The following TUT4 variants were observed in gnomAD, a reference collection of about 807,000 sequenced individuals.
TUT4 encodes terminal uridylyltransferase 4.
TUT4 carries 36 observed loss-of-function variants against 192.2 expected under a neutral mutation model. The observed-to-expected ratio is 0.19, with a 90% CI of 0.14 to 0.25. TUT4 has a LOEUF of 0.25. Among genes scored for constraint, TUT4 ranks in the 10% least tolerant of loss-of-function variants. TUT4 has a pLI of 1.00. For missense variants in TUT4, 1,493 were observed against 1,957.2 expected (o/e 0.76, Z 4.47); for synonymous variants, 618 against 666.0 (o/e 0.93, Z 1.11).
chr1:52,550,090 T>G (rs900763053), intron 1 of TUT4, among the ~76,000 whole-genome samples: 2 of 152,108 alleles, frequency 1.3e-5, no homozygotes, highest in African/African-American at 4.8e-5. Flanking sequence ...TATTTGAATA[T>G]AGTCTGTACA....
chr1:52,507,316 T>G (rs576144603), intron 4 of TUT4, among the ~76,000 whole-genome samples: 1 of 152,338 alleles, frequency 6.6e-6, no homozygotes. Flanking sequence ...TAGTGCACTC[T>G]AAGGTCTCTC....
intron 8 of TUT4, 113 bp from the exon 9 acceptor site, chr1:52,489,148 A>G: frequency 1.9e-6 from 2 of 1,048,788 alleles, no homozygotes; most frequent in Non-Finnish European, 1.3e-6. Context: ...AGTACCGTAA[A>G]AGCCCTAATA....
At chr1:52,504,054 G>A (rs949449270) in intron 4 of TUT4, among the ~76,000 whole-genome samples, 1 of 152,162 alleles carries the variant, frequency 6.6e-6, no homozygotes, top group African/African-American at 2.4e-5. Flanking sequence ...CTCAAACTCA[G>A]AATGTTATGA....
At chr1:52,520,027 A>G (rs147221932) in intron 2 of TUT4, among the ~76,000 whole-genome samples, 54 of 152,260 alleles carry the variant, frequency 3.5e-4, no homozygotes, top group Middle Eastern at 6.8e-3. Context: ...TCAAAAAAAG[A>G]AGGCAAAGGA....
At chr1:52,477,207 C>A (rs1304205324) in intron 12 of TUT4, among the ~76,000 whole-genome samples, 1 of 152,036 alleles carries the variant, frequency 6.6e-6, no homozygotes, top group African/African-American at 2.4e-5. Flanking sequence ...CTGACCTTAA[C>A]CATATATGGC....
intron 1 of TUT4, among the ~76,000 whole-genome samples, chr1:52,544,014 C>T (rs1014029683): frequency 6.6e-6 from 1 of 152,004 alleles, no homozygotes; most frequent in African/African-American, 2.4e-5. Flanking sequence ...TCAGGCTGGG[C>T]ACAGTGGCTC....
Position 52,528,014 on chromosome 1 carries a change from TA to T in TUT4, c.-93-1642del. On this transcript the variant is annotated intron_variant, in intron 1 of 29. Coordinates refer to ENST00000257177, the MANE Select transcript of TUT4 (RefSeq NM_001009881.3). ...CAACATGGTGAAACCCCGTCTCTAC[TA>T]AAAATACAAAAATTAGCCGGGTACA... Among the ~76,000 whole-genome samples the T allele has an allele frequency of 1.4e-5, 2 of 143,954 alleles. 1 individual carries two copies. The highest frequency in any genetic ancestry group is 8.5e-3 in the Middle Eastern group (2 of 234). 94.4% of individuals were successfully genotyped at this position (143,954 alleles called of 152,430 possible). A position where few individuals can be genotyped will look rare whatever the true frequency, so the allele number is the denominator to read the frequency against.
At chr1:52,530,146 T>C (rs1472388014) in intron 1 of TUT4, among the ~76,000 whole-genome samples, 1 of 151,796 alleles carries the variant, frequency 6.6e-6, no homozygotes, top group African/African-American at 2.4e-5. Context: ...TCAGCTACTT[T>C]GAGTAATTTT....
At chr1:52,475,663 A>G (rs1395479980) in intron 12 of TUT4, 128 bp from the exon 13 acceptor site, 3 of 823,206 alleles carry the variant, frequency 3.6e-6, no homozygotes, top group Non-Finnish European at 5.4e-6. Flanking sequence ...TTTCTAAGCT[A>G]GACTCCCAGT....
intron 16 of TUT4, chr1:52,463,278 T>C (rs893167701): frequency 1.0e-6 from 1 of 989,236 alleles, no homozygotes; most frequent in African/African-American, 1.7e-5. Context: ...TTCCCTCAAT[T>C]CTTACTCTTC....
At chr1:52,446,957 A>C (rs892571057) in intron 20 of TUT4, among the ~76,000 whole-genome samples, 1 of 152,232 alleles carries the variant, frequency 6.6e-6, no homozygotes, top group Non-Finnish European at 1.5e-5. Flanking sequence ...ATAATGAAGC[A>C]AAACTTAAAA....
chr1:52,471,736 C>T (rs1262774359), intron 14 of TUT4, among the ~76,000 whole-genome samples: 1 of 152,148 alleles, frequency 6.6e-6, no homozygotes, highest in African/African-American at 2.4e-5. Flanking sequence ...ATATTTTAAG[C>T]TCCTTAAAAG....
intron 4 of TUT4, among the ~76,000 whole-genome samples, chr1:52,508,710 G>A (rs1676303927): frequency 6.6e-6 from 1 of 152,166 alleles, no homozygotes; most frequent in South Asian, 2.1e-4. Flanking sequence ...GGGTCAGGTA[G>A]AATATTTCTT....
At chr1:52,544,639 T>G (rs1418746274) in intron 1 of TUT4, among the ~76,000 whole-genome samples, 1 of 152,146 alleles carries the variant, frequency 6.6e-6, no homozygotes, top group African/African-American at 2.4e-5. Flanking sequence ...TTCATGACAC[T>G]GGAGTTGGCA....
chr1:52,521,966 A>C (rs879310977), intron 2 of TUT4, among the ~76,000 whole-genome samples: 18 of 151,434 alleles, frequency 1.2e-4, no homozygotes, highest in Non-Finnish European at 2.5e-4. Context: ...CTCTGTCTCC[A>C]AAAAAAAAGA....
chr1:52,532,548 C>A (rs374327252), intron 1 of TUT4, among the ~76,000 whole-genome samples: 229 of 152,180 alleles, frequency 1.5e-3, no homozygotes, highest in African/African-American at 5.3e-3. Context: ...TGGGCTCAAG[C>A]GATCCTGCTG....
chr1:52,493,475 A>G, intron 7 of TUT4, 136 bp downstream of exon 7: 3 of 603,852 alleles, frequency 5.0e-6, no homozygotes, highest in Non-Finnish European at 8.8e-6. Context: ...GTGTGTATGT[A>G]TCTCCATTTG....
chr1:52,462,844 A>G (rs560721776), intron 16 of TUT4: 4 of 985,188 alleles, frequency 4.1e-6, no homozygotes, highest in Non-Finnish European at 4.8e-6. Context: ...ATAATACATA[A>G]TGATTATGGC....
At chr1:52,424,245 GA>G (rs1649043011) in intron 29 of TUT4, 1 of 487,324 alleles carries the variant, frequency 2.1e-6, no homozygotes, top group Non-Finnish European at 3.7e-6. Context: ...AAACCCACTA[GA>G]AAAGAGTTGC....
Sources: allele counts gnomAD v4.1 joint callset (sites outside exome capture counted in the v4.1 genomes callset), GRCh38; gene constraint gnomAD v4.1.1; transcripts MANE v1.5; gene names NCBI Gene and HGNC (gene_info 2026-07-23, HGNC 2026-07-21).